Variants in LIMS2 observed in about 807,000 individuals in gnomAD.
The protein encoded by LIMS2 is LIM zinc finger domain containing 2, also known as LIM and senescent cell antigen-like-containing domain protein 2.
In LIMS2, 30 loss-of-function variants were observed where a neutral mutation model predicts 45.3. The observed-to-expected ratio is 0.66, with a 90% CI of 0.50 to 0.90. The LOEUF (loss-of-function observed/expected upper bound fraction) is 0.90, where lower values mean the gene tolerates loss of function less well. LIMS2 is among the 40% of genes least tolerant of loss of function. The pLI is 0.00. For synonymous variants in LIMS2, 173 were observed against 188.0 expected (o/e 0.92, Z 0.65); for missense variants, 485 against 468.7 (o/e 1.03, Z -0.32).
Position 127,654,270 on chromosome 2 carries a change from G to A in LIMS2, c.359+154C>T, listed in dbSNP as rs571607087. Among the ~76,000 whole-genome samples, 24 of 152,180 alleles carry A rather than the reference G, an allele frequency of 1.6e-4. No individual in the cohort carries two copies. The South Asian group carries it at 3.7e-3, about 24-fold the overall frequency. On this transcript the variant is annotated intron_variant, in intron 4 of 9. Transcript: ENST00000355119. ...AACTGGGAGCTGGACTATCCGCCCC[G>A]GGGTGACCTGGAGGGAGGGCAGCTA...
intron 6 of LIMS2, chr2:127,641,260 CCTTGTGAGT>C: frequency 2.7e-6 from 1 of 373,488 alleles, no homozygotes; most frequent in Non-Finnish European, 5.0e-6. Context: ...CTGATGGTAA[CCTTGTGAGT>C]CACCATCCCC....
At chr2:127,650,425 G>A (rs924576967) in intron 4 of LIMS2, 37 of 537,518 alleles carry the variant, frequency 6.9e-5, no homozygotes, top group Admixed American at 3.1e-4. Flanking sequence ...GCACTGACCC[G>A]GTCCTCCCAG....
chr2:127,660,928 T>TGG (rs1288003373), intron 1 of LIMS2, among the ~76,000 whole-genome samples: 14 of 8,964 alleles, frequency 1.6e-3, no homozygotes, highest in African/African-American at 4.7e-3. Context: ...TAGGTGGGGG[T>TGG]GGGGGGGGCG....
intron 1 of LIMS2, among the ~76,000 whole-genome samples, chr2:127,661,028 A>G (rs1255978034): frequency 6.6e-6 from 1 of 152,216 alleles, no homozygotes; most frequent in Non-Finnish European, 1.5e-5. Flanking sequence ...GTGAGGGAAC[A>G]TTCTGCTCCA....
At chr2:127,648,958 AGGGGAGGGG>A (rs1558877321) in intron 4 of LIMS2, among the ~76,000 whole-genome samples, 1 of 27,416 alleles carries the variant, frequency 3.6e-5, no homozygotes, top group Non-Finnish European at 6.3e-5. Flanking sequence ...AGGGGAGGGG[AGGGGAGGGG>A]GGGAGGGGAG....
At position 127,650,185 on chromosome 2, in the gene LIMS2, C is replaced by T. The variant is rs971697602; in HGVS notation, c.359+4239G>A. 7.3e-5 allele frequency: 73 copies of T among 999,626 alleles called. 1 individual carries two copies. Among genetic ancestry groups the T allele is most frequent in the Middle Eastern group, 3.1e-4 (1 of 3,222 alleles). 61.9% of individuals were successfully genotyped at this position (999,626 alleles called of 1,614,324 possible). On this transcript the variant is annotated intron_variant, in intron 4 of 9. Coordinates refer to ENST00000355119, the MANE Select transcript of LIMS2 (RefSeq NM_001161403.3). ...AGCCATGGTCAGGGGAAGCAGAAAG[C>T]GGTGACACCCCGGCCACTGCACCTG...
At position 127,642,073 on chromosome 2, in the gene LIMS2, C is replaced by T. The variant is rs539730681; in HGVS notation, c.636G>A (p.Ala212=). ...RRPIEGRVVN[A]LGKQWHVEHF... The stretch of plus-strand genomic sequence containing the variant: ...CCTCCACGTGCCACTGCTTGCCCAG[C>T]GCGTTGACCACTCGGCCCTCGATGG... Residue 212 remains alanine, a synonymous_variant, in exon 6 of 10, where the codon GCG becomes GCA. Coordinates refer to ENST00000355119, the MANE Select transcript of LIMS2 (RefSeq NM_001161403.3). This position sits in a 1 kb window ranked among gnomAD's most constrained non-coding sequence, Gnocchi z 5.3. 64 of 1,611,128 alleles carry T rather than the reference C, an allele frequency of 4.0e-5. No individual in the cohort carries two copies. Among genetic ancestry groups the T allele is most frequent in the Admixed American group, 1.0e-4 (6 of 59,808 alleles).
rs202096109 is a variant in LIMS2 at position 127,651,446 on chromosome 2, C to T, written c.359+2978G>A. ...TCAAGACCAAGGCAGTGCGCATGAT[C>T]GCCATAGTGCTGGCCATCTTCCTGG... On this transcript the variant is annotated intron_variant, in intron 4 of 9. Coordinates refer to ENST00000355119, the MANE Select transcript of LIMS2 (RefSeq NM_001161403.3). The T allele has an allele frequency of 3.4e-5, 55 of 1,612,900 alleles. No homozygotes were observed. The East Asian group carries it at 5.3e-4, about 16-fold the overall frequency.
At position 127,654,494 on chromosome 2, in the gene LIMS2, G is replaced by A. The variant is rs368536679; in HGVS notation, c.289C>T (p.Pro97Ser). Residue 97 changes from proline (P) to serine (S), a missense_variant, in exon 4 of 10, where the codon CCG becomes TCG. Transcript: ENST00000355119. ...CACAGCTCGCAGCGGAAGCAGCCCG[G>A]GTGCCAGTTGTTGTTCATGGCCTTG... ...VIKAMNNNWH[P>S]GCFRCELCDV... 1.5e-4 allele frequency: 238 copies of A among 1,614,028 alleles called. No individual in the cohort carries two copies. Among genetic ancestry groups the A allele is most frequent in the Non-Finnish European group, 1.9e-4 (222 of 1,180,020 alleles).
intron 1 of LIMS2, chr2:127,681,317 T>C (rs1433286181): frequency 6.6e-6 from 1 of 152,430 alleles, no homozygotes; most frequent in African/African-American, 2.4e-5. Flanking sequence ...ACAGAGTCTT[T>C]ACCTCTGTGG....
Position 127,653,932 on chromosome 2 carries a change from G to C in LIMS2, c.359+492C>G, listed in dbSNP as rs1684052815. ...TCACAGACAGAGGCCGGGCTGCACGGGATCTCAGAGCTAGGGCCAGGGGAG... is the reference window on the plus strand; with the variant it reads ...TCACAGACAGAGGCCGGGCTGCACGCGATCTCAGAGCTAGGGCCAGGGGAG... On this transcript the variant is annotated intron_variant, in intron 4 of 9. Coordinates refer to ENST00000355119, the MANE Select transcript of LIMS2 (RefSeq NM_001161403.3). The surrounding 1 kb of genome is among the most constrained non-coding windows in gnomAD (Gnocchi z 5.3). Among the ~76,000 whole-genome samples, 1 of 152,100 alleles carries C rather than the reference G, an allele frequency of 6.6e-6. No homozygotes were observed. Among genetic ancestry groups the C allele is most frequent in the Non-Finnish European group, 1.5e-5 (1 of 68,016 alleles).
chr2:127,666,255 T>C (rs1684993648), intron 1 of LIMS2, among the ~76,000 whole-genome samples: 1 of 151,782 alleles, frequency 6.6e-6, no homozygotes, highest in Non-Finnish European at 1.5e-5. Context: ...AGTTCATCCC[T>C]CCATAAAAGC....
At chr2:127,674,572 C>A (rs1204094648) in intron 1 of LIMS2, 1 of 930,512 alleles carries the variant, frequency 1.1e-6, no homozygotes, top group Admixed American at 6.2e-5. Flanking sequence ...ATTTTTACCA[C>A]CCCAGGTTTA....
At chr2:127,648,140 C>A (rs1683205137) in intron 4 of LIMS2, 14 of 985,242 alleles carry the variant, frequency 1.4e-5, no homozygotes, top group Non-Finnish European at 1.7e-5. Flanking sequence ...TACTGTGGAA[C>A]CTGGATTCCT....
intron 1 of LIMS2, among the ~76,000 whole-genome samples, chr2:127,658,449 G>T (rs984442997): frequency 3.3e-5 from 5 of 152,154 alleles, no homozygotes; most frequent in Admixed American, 3.3e-4. Flanking sequence ...AGTGTGGTGA[G>T]GGGGAGCAAA....
chr2:127,640,129 G>A lies in LIMS2; in HGVS notation c.819C>T (p.Asn273=), dbSNP rs1558865878. 6.2e-7 allele frequency: 1 copy of A among 1,613,474 alleles called. No individual in the cohort carries two copies. ...AGAAGCAGCTCACACACCAGGCCTT[G>A]TTGAGGGCCGACACCACTGTGAGGG... ...VIEGDVVSAL[N]KAWCVSCFSC... The change falls in exon 9 of 10, where the codon AAC becomes AAT. Residue 273 remains asparagine (N), a synonymous_variant. Transcript: ENST00000355119.
At chr2:127,641,875 A>G in intron 6 of LIMS2, 174 bp downstream of exon 6, 2 of 684,414 alleles carry the variant, frequency 2.9e-6, no homozygotes, top group Non-Finnish European at 2.3e-6. Context: ...TCCCGTGGGC[A>G]GGCTGGGGTC....
At chr2:127,640,003 G>A (rs1461106544) in intron 9 of LIMS2, 67 bp downstream of exon 9, 1 of 1,504,774 alleles carries the variant, frequency 6.6e-7, no homozygotes, top group Admixed American at 1.7e-5. Flanking sequence ...CAGGAGGGCT[G>A]CTGAGAGGAA....
intron 4 of LIMS2, 56 bp from the exon 5 acceptor site, chr2:127,643,128 C>G (rs1682607771): frequency 6.6e-7 from 1 of 1,521,386 alleles, no homozygotes; most frequent in African/African-American, 1.4e-5. Context: ...AGCCTGGCCA[C>G]CTCCAGGAGA....
Sources: gnomAD v4.1 joint callset for allele counts (sites outside exome capture counted in the v4.1 genomes callset) on GRCh38, gnomAD v4.1.1 for gene constraint, Gnocchi (gnomAD v3.1) non-coding constraint, MANE v1.5 for transcripts, NCBI Gene and HGNC (gene_info 2026-07-23, HGNC 2026-07-21) for gene names.